Variants in FHOD3 observed in about 807,000 individuals in gnomAD.
The protein encoded by FHOD3 is formin homology 2 domain containing 3.
A neutral mutation model predicts 173.0 loss-of-function variants in FHOD3; 90 were observed. The ratio of observed to expected loss-of-function variants is 0.52; its 90% CI spans 0.44 to 0.62. The LOEUF (loss-of-function observed/expected upper bound fraction) is 0.62. Ranked by LOEUF, FHOD3 falls within the 20% of genes least tolerant of loss-of-function variation. The pLI is 0.00. For synonymous variants in FHOD3, 828 were observed against 823.0 expected, an observed-to-expected ratio of 1.01 and a Z score of -0.10; for missense variants, 1,945 against 2,034.7, an observed-to-expected ratio of 0.96 and a Z score of 0.85.
At chr18:36,748,366 A>G (rs959083990) in intron 24 of FHOD3, among the ~76,000 whole-genome samples, 40 of 132,536 alleles carry the variant, frequency 3.0e-4, no homozygotes, top group Middle Eastern at 3.8e-3. Context: ...ACGCACGCGC[A>G]CACACACACA....
chr18:36,739,865 T>C (rs1284242909), intron 20 of FHOD3, among the ~76,000 whole-genome samples: 1 of 152,226 alleles, frequency 6.6e-6, no homozygotes, highest in Non-Finnish European at 1.5e-5. Context: ...AGATTCCTTA[T>C]AGTTTTTTAT....
At chr18:36,316,171 C>T (rs1317567461) in intron 1 of FHOD3, among the ~76,000 whole-genome samples, 4 of 151,438 alleles carry the variant, frequency 2.6e-5, no homozygotes, top group African/African-American at 4.8e-5. Context: ...TAAAGCAGAA[C>T]GTACCAGCTC....
At chr18:36,477,933 G>A (rs1266860984) in intron 3 of FHOD3, among the ~76,000 whole-genome samples, 1 of 152,198 alleles carries the variant, frequency 6.6e-6, no homozygotes, top group East Asian at 1.9e-4. Flanking sequence ...GGACTGCAGA[G>A]ATGTCCTGGC....
At chr18:36,393,342 C>A (rs2048392920) in intron 3 of FHOD3, among the ~76,000 whole-genome samples, 2 of 152,126 alleles carry the variant, frequency 1.3e-5, no homozygotes, top group African/African-American at 4.8e-5. Context: ...GTTTCTCCAC[C>A]TTGACACAAT....
rs1050364335 is a variant in FHOD3, at chr18:36,478,371, A to G, written c.338-23561A>G. On this transcript the variant is annotated intron_variant, in intron 3 of 28. Transcript: ENST00000590592. ...TACAGGCATAATCACATCATGGTAA[A>G]TGGGGTATCTATCACCTCAACCATC... Among the ~76,000 whole-genome samples, 11 of 152,296 alleles carry G rather than the reference A, an allele frequency of 7.2e-5. No homozygotes were observed. The East Asian group carries it at 2.1e-3, about 29-fold the overall frequency.
At chr18:36,357,886 T>G (rs1169786765) in intron 2 of FHOD3, among the ~76,000 whole-genome samples, 1 of 152,182 alleles carries the variant, frequency 6.6e-6, no homozygotes, top group African/African-American at 2.4e-5. Flanking sequence ...TTATCAAAAC[T>G]TGAATGATTT....
intron 28 of FHOD3, among the ~76,000 whole-genome samples, chr18:36,773,073 G>T (rs2043461928): frequency 6.6e-6 from 1 of 152,240 alleles, no homozygotes; most frequent in Non-Finnish European, 1.5e-5. Context: ...GCAGGGCCAG[G>T]CTGGAGGCCA....
At chr18:36,424,874 C>T (rs183784569) in intron 3 of FHOD3, among the ~76,000 whole-genome samples, 8 of 152,312 alleles carry the variant, frequency 5.3e-5, no homozygotes, top group Admixed American at 5.2e-4. Context: ...GCATACACTA[C>T]CTGGCCATTA....
At chr18:36,324,893 G>A (rs1391861474) in intron 1 of FHOD3, among the ~76,000 whole-genome samples, 2 of 152,156 alleles carry the variant, frequency 1.3e-5, no homozygotes, top group African/African-American at 2.4e-5. Flanking sequence ...AAACAGAGCA[G>A]TCTGTGTGAT....
At chr18:36,600,654 A>G (rs1345015124) in intron 7 of FHOD3, among the ~76,000 whole-genome samples, 3 of 152,208 alleles carry the variant, frequency 2.0e-5, no homozygotes, top group African/African-American at 7.2e-5. Context: ...TGTTCTTATT[A>G]TAAAGGATTA....
chr18:36,760,760 C>CA lies in FHOD3; in HGVS notation c.4603dup (p.Thr1535AsnfsTer11). ...ACGCCACCCCCGCGCTGGGCGTCCG[C>CA]ACACGCAGCCGAGCAAGCCGAGGTA... is the stretch of plus-strand genomic sequence containing the variant. On this transcript the variant is annotated frameshift_variant, in exon 27 of 29. Coordinates refer to ENST00000590592, the MANE Select transcript of FHOD3 (RefSeq NM_001281740.3). LOFTEE classifies it high-confidence loss of function. 1 of 1,610,350 alleles carries CA rather than the reference C, an allele frequency of 6.2e-7. No homozygotes were observed. Among genetic ancestry groups the CA allele is most frequent in the Non-Finnish European group, 8.5e-7 (1 of 1,179,072 alleles).
At chr18:36,669,366 C>A (rs748578625) in intron 14 of FHOD3, among the ~76,000 whole-genome samples, 2 of 151,442 alleles carry the variant, frequency 1.3e-5, no homozygotes, top group African/African-American at 2.4e-5. Flanking sequence ...AGTGTTGAAT[C>A]TTTTTTTTAA....
At chr18:36,499,477 C>T (rs959368363) in intron 3 of FHOD3, among the ~76,000 whole-genome samples, 1 of 152,182 alleles carries the variant, frequency 6.6e-6, no homozygotes, top group Non-Finnish European at 1.5e-5. Flanking sequence ...TAAATCTGGT[C>T]CACTTCTTTG....
intron 3 of FHOD3, among the ~76,000 whole-genome samples, chr18:36,424,886 T>A (rs2050160858): frequency 6.6e-6 from 1 of 152,206 alleles, no homozygotes; most frequent in Admixed American, 6.5e-5. Flanking sequence ...TGGCCATTAG[T>A]CACCCAGTGG....
At chr18:36,593,887 G>A (rs1231846087) in intron 6 of FHOD3, among the ~76,000 whole-genome samples, 2 of 152,202 alleles carry the variant, frequency 1.3e-5, no homozygotes, top group Admixed American at 6.5e-5. Flanking sequence ...TGTACAGCCC[G>A]AGGCAACCTT....
chr18:36,708,748 A>C (rs2040013575), intron 17 of FHOD3, among the ~76,000 whole-genome samples: 1 of 152,198 alleles, frequency 6.6e-6, no homozygotes, highest in African/African-American at 2.4e-5. Context: ...ATTCCCTGTC[A>C]AGCAGCAGTG....
intron 28 of FHOD3, among the ~76,000 whole-genome samples, chr18:36,770,459 G>A (rs1342618743): frequency 6.6e-6 from 1 of 152,156 alleles, no homozygotes; most frequent in African/African-American, 2.4e-5. Context: ...ACGTTTCCAG[G>A]ATACAGAACA....
chr18:36,489,258 G>A (rs962597117), intron 3 of FHOD3, among the ~76,000 whole-genome samples: 3 of 151,894 alleles, frequency 2.0e-5, no homozygotes, highest in Admixed American at 6.6e-5. Context: ...GTTTGTTTAG[G>A]AAGCCTCCTT....
chr18:36,705,290 C>A (rs749460187), intron 17 of FHOD3, among the ~76,000 whole-genome samples: 1 of 152,224 alleles, frequency 6.6e-6, no homozygotes, highest in Non-Finnish European at 1.5e-5. Context: ...CCCTCCGGCA[C>A]GCAGTGGGCT....
Sources: allele counts gnomAD v4.1 joint callset (sites outside exome capture counted in the v4.1 genomes callset), GRCh38; gene constraint gnomAD v4.1.1; transcripts MANE v1.5; gene names NCBI Gene and HGNC (gene_info 2026-07-23, HGNC 2026-07-21).